The following VAV3 variants were observed in gnomAD, a reference collection of about 807,000 sequenced individuals.
VAV3 encodes vav guanine nucleotide exchange factor 3, also known as guanine nucleotide exchange factor VAV3.
Under a neutral mutation model 131.2 loss-of-function variants are expected in VAV3, and 94 were observed. The ratio of observed to expected loss-of-function variants is 0.72; its 90% CI spans 0.61 to 0.85. The LOEUF (loss-of-function observed/expected upper bound fraction) is 0.85. Among genes scored for constraint, VAV3 ranks in the 40% least tolerant of loss-of-function variants. The pLI, the probability that VAV3 is intolerant of heterozygous loss-of-function variation, is 0.00. For synonymous variants in VAV3, 349 were observed against 342.0 expected, an observed-to-expected ratio of 1.02 and a Z score of -0.22; for missense variants, 939 against 1,002.7, an observed-to-expected ratio of 0.94 and a Z score of 0.86.
intron 2 of VAV3, among the ~76,000 whole-genome samples, chr1:107,780,860 T>C (rs1218689993): frequency 6.6e-6 from 1 of 152,140 alleles, no homozygotes; most frequent in African/African-American, 2.4e-5. Context: ...ATCCTAACTC[T>C]CAAAATTTTA....
chr1:107,943,395 T>C (rs1463586199), intron 1 of VAV3, among the ~76,000 whole-genome samples: 6 of 152,144 alleles, frequency 3.9e-5, no homozygotes, highest in Non-Finnish European at 8.8e-5. Flanking sequence ...TAGAACAAAA[T>C]TAAGTGAATG....
At chr1:107,883,475 T>G (rs1423507609) in intron 1 of VAV3, among the ~76,000 whole-genome samples, 1 of 152,208 alleles carries the variant, frequency 6.6e-6, no homozygotes, top group Non-Finnish European at 1.5e-5. Flanking sequence ...ATGCAACGAT[T>G]CCTTAGTAGT....
chr1:107,671,937 T>C (rs900968047), intron 19 of VAV3, among the ~76,000 whole-genome samples: 1 of 152,128 alleles, frequency 6.6e-6, no homozygotes, highest in African/African-American at 2.4e-5. Flanking sequence ...AAACAAAAAG[T>C]ACACAATATA....
At chr1:107,757,128 T>C in intron 11 of VAV3, 133 bp downstream of exon 11, 2 of 575,280 alleles carry the variant, frequency 3.5e-6, no homozygotes, top group Admixed American at 3.7e-5. Context: ...TATATATATA[T>C]GTTTGTGTAT....
chr1:107,940,316 C>A (rs1044175305), intron 1 of VAV3, among the ~76,000 whole-genome samples: 1 of 152,134 alleles, frequency 6.6e-6, no homozygotes, highest in African/African-American at 2.4e-5. Flanking sequence ...TCATCTGCCC[C>A]ACACCCACAA....
intron 2 of VAV3, among the ~76,000 whole-genome samples, chr1:107,809,490 C>G (rs370736298): frequency 6.6e-6 from 1 of 152,106 alleles, no homozygotes; most frequent in South Asian, 2.1e-4. Context: ...AACTTATAGC[C>G]AAGTCAAATT....
chr1:107,788,235 G>GATC (rs1666119505), intron 2 of VAV3, among the ~76,000 whole-genome samples: 1 of 151,946 alleles, frequency 6.6e-6, no homozygotes, highest in African/African-American at 2.4e-5. Context: ...CTATTAATGT[G>GATC]ATCATACCAC....
chr1:107,902,999 G>C (rs1225642567), intron 1 of VAV3, among the ~76,000 whole-genome samples: 3 of 152,128 alleles, frequency 2.0e-5, no homozygotes, highest in Non-Finnish European at 2.9e-5. Context: ...GAATTGAAAT[G>C]AGATAATCTG....
At chr1:107,734,627 T>C (rs899255208) in intron 15 of VAV3, among the ~76,000 whole-genome samples, 1 of 152,134 alleles carries the variant, frequency 6.6e-6, no homozygotes, top group Admixed American at 6.5e-5. Context: ...CATTACATAA[T>C]GGTAAAGGGA....
intron 1 of VAV3, among the ~76,000 whole-genome samples, chr1:107,964,021 C>A (rs1412062685): frequency 6.6e-6 from 1 of 152,204 alleles, no homozygotes; most frequent in African/African-American, 2.4e-5. Context: ...CATTTCCTGT[C>A]GCTGCTGAGA....
intron 20 of VAV3, among the ~76,000 whole-genome samples, chr1:107,633,767 A>G (rs1227805498): frequency 6.6e-6 from 1 of 152,148 alleles, no homozygotes; most frequent in Non-Finnish European, 1.5e-5. Context: ...AGGAAGTCTA[A>G]GTACCCTGCG....
chr1:107,864,150 C>T (rs891254268), intron 2 of VAV3, among the ~76,000 whole-genome samples: 7 of 152,094 alleles, frequency 4.6e-5, no homozygotes, highest in African/African-American at 1.7e-4. Context: ...CATTACTTTA[C>T]AAAATGCAAT....
chr1:107,766,863 G>A (rs774018047), intron 7 of VAV3, among the ~76,000 whole-genome samples: 2 of 152,062 alleles, frequency 1.3e-5, no homozygotes, highest in Admixed American at 1.3e-4. Context: ...GACAGGCCAT[G>A]CAGATGGGAA....
chr1:107,730,614 T>G (rs1021520228), intron 15 of VAV3, among the ~76,000 whole-genome samples: 8 of 152,206 alleles, frequency 5.3e-5, no homozygotes, highest in African/African-American at 1.9e-4. Flanking sequence ...GGAAATTCTT[T>G]GAAGCAAAAA....
chr1:107,953,036 G>A (rs1674631663), intron 1 of VAV3, among the ~76,000 whole-genome samples: 1 of 152,160 alleles, frequency 6.6e-6, no homozygotes, highest in South Asian at 2.1e-4. Flanking sequence ...TCTAGGGCCT[G>A]CCTTGTTTTT....
At chr1:107,721,981 G>A (rs1661529686) in intron 15 of VAV3, among the ~76,000 whole-genome samples, 1 of 152,162 alleles carries the variant, frequency 6.6e-6, no homozygotes, top group Admixed American at 6.5e-5. Flanking sequence ...GGCAGATGAA[G>A]GCAAGTATTA....
intron 17 of VAV3, among the ~76,000 whole-genome samples, chr1:107,701,259 T>A (rs893206281): frequency 2.0e-5 from 3 of 152,212 alleles, no homozygotes; most frequent in Non-Finnish European, 2.9e-5. Context: ...CATCCACAGG[T>A]CCAACACCAC....
intron 6 of VAV3, among the ~76,000 whole-genome samples, chr1:107,768,733 A>C (rs1664874107): frequency 6.6e-6 from 1 of 152,230 alleles, no homozygotes; most frequent in African/African-American, 2.4e-5. Flanking sequence ...AAAGTATAAA[A>C]TAAAATGGTT....
intron 12 of VAV3, 144 bp downstream of exon 12, chr1:107,755,283 A>T: frequency 1.6e-6 from 1 of 642,546 alleles, no homozygotes; most frequent in Non-Finnish European, 2.7e-6. Context: ...TCAGACACCC[A>T]CATGAACACT....
Sources: gnomAD v4.1 joint callset for allele counts (sites outside exome capture counted in the v4.1 genomes callset) on GRCh38, gnomAD v4.1.1 for gene constraint, MANE v1.5 for transcripts, NCBI Gene and HGNC (gene_info 2026-07-23, HGNC 2026-07-21) for gene names.